The following LOC400499 variants were observed in gnomAD, a reference collection of about 807,000 sequenced individuals.
chr16:11,395,720 C>CT, the LOC400499 span, among the ~76,000 whole-genome samples: 1 of 152,224 alleles, frequency 6.6e-6, no homozygotes, highest in East Asian at 1.9e-4. Flanking sequence ...GAGGGGAAGA[C>CT]TGAGGCTCAG....
At chr16:11,487,912 G>A in the LOC400499 span, among the ~76,000 whole-genome samples, 13 of 152,106 alleles carry the variant, frequency 8.5e-5, no homozygotes, top group African/African-American at 2.4e-4. Flanking sequence ...CCAGGGGTTC[G>A]AGAGGAGCCT....
the LOC400499 span, among the ~76,000 whole-genome samples, chr16:11,382,079 G>A: frequency 6.6e-6 from 1 of 152,086 alleles, no homozygotes; most frequent in East Asian, 1.9e-4. Context: ...TGGGATTACA[G>A]GAGCCCGCCA....
chr16:11,424,946 T>C, the LOC400499 span, among the ~76,000 whole-genome samples: 6 of 152,136 alleles, frequency 3.9e-5, no homozygotes, highest in Admixed American at 6.5e-5. Context: ...TGAAGCTGCA[T>C]GTTCTGGCTG....
At chr16:11,500,577 G>T in the LOC400499 span, among the ~76,000 whole-genome samples, 18 of 150,636 alleles carry the variant, frequency 1.2e-4, no homozygotes, top group African/African-American at 4.4e-4. Context: ...ACTTGCCTGG[G>T]ATCACACAGG....
the LOC400499 span, chr16:11,372,414 C>T: frequency 1.3e-5 from 2 of 152,272 alleles, no homozygotes; most frequent in Admixed American, 6.5e-5. Context: ...TGGGCATGAA[C>T]AGGGGCCAGG....
the LOC400499 span, among the ~76,000 whole-genome samples, chr16:11,481,595 T>C: frequency 4.4e-4 from 67 of 152,246 alleles, no homozygotes; most frequent in African/African-American, 1.6e-3. Context: ...AGTGCTGGGA[T>C]TGCAGGCATA....
chr16:11,412,930 C>G, the LOC400499 span: 1 of 399,042 alleles, frequency 2.5e-6, no homozygotes, highest in African/African-American at 2.1e-5. Flanking sequence ...TCTCTTCTGC[C>G]TCCCAGAGTC....
chr16:11,425,004 G>C, the LOC400499 span: 3 of 397,810 alleles, frequency 7.5e-6, no homozygotes, highest in Non-Finnish European at 1.3e-5. Context: ...GAAGCCAGCA[G>C]GGGAAAGAAA....
chr16:11,421,448 C>G, the LOC400499 span, among the ~76,000 whole-genome samples: 1 of 151,928 alleles, frequency 6.6e-6, no homozygotes, highest in Admixed American at 6.6e-5. Flanking sequence ...GCCACCCAGT[C>G]CGGAGTGCAG....
At chr16:11,414,081 A>T in the LOC400499 span, among the ~76,000 whole-genome samples, 1 of 152,220 alleles carries the variant, frequency 6.6e-6, no homozygotes, top group Non-Finnish European at 1.5e-5. Flanking sequence ...CCAAGATTGC[A>T]GGGCAGAAGG....
the LOC400499 span, among the ~76,000 whole-genome samples, chr16:11,461,593 T>C: frequency 1.3e-5 from 2 of 152,196 alleles, no homozygotes; most frequent in Non-Finnish European, 2.9e-5. Flanking sequence ...TCATGGGTTG[T>C]TGGGTAAATT....
chr16:11,526,779 T>C, the LOC400499 span, among the ~76,000 whole-genome samples: 1 of 152,176 alleles, frequency 6.6e-6, no homozygotes, highest in African/African-American at 2.4e-5. Context: ...TGGCATGATC[T>C]CGGCTCACTG....
chr16:11,442,788 G>A, the LOC400499 span, among the ~76,000 whole-genome samples: 39 of 152,232 alleles, frequency 2.6e-4, no homozygotes, highest in African/African-American at 9.2e-4. Context: ...CCATGGCGCC[G>A]GCTCTGCAAT....
At chr16:11,514,143 A>G in the LOC400499 span, among the ~76,000 whole-genome samples, 1 of 152,168 alleles carries the variant, frequency 6.6e-6, no homozygotes, top group South Asian at 2.1e-4. Flanking sequence ...GGGAAAAGGG[A>G]CTCAACCAAG....
the LOC400499 span, chr16:11,478,833 A>T: frequency 1.8e-5 from 7 of 396,758 alleles, no homozygotes; most frequent in East Asian, 1.1e-4. Context: ...TGACTGAATC[A>T]TGGGGGCGGG....
the LOC400499 span, among the ~76,000 whole-genome samples, chr16:11,454,547 G>A: frequency 2.0e-5 from 3 of 152,234 alleles, no homozygotes; most frequent in African/African-American, 4.8e-5. Context: ...GGATGCGGCT[G>A]TAAGCCAAGG....
the LOC400499 span, chr16:11,411,113 G>A: frequency 7.6e-6 from 3 of 396,812 alleles, no homozygotes; most frequent in Admixed American, 8.8e-5. Context: ...TCCGAGGGTT[G>A]CCCACCGGAG....
At chr16:11,392,400 C>A in the LOC400499 span, 1 of 399,014 alleles carries the variant, frequency 2.5e-6, no homozygotes. Context: ...GTCAGGCGTC[C>A]CAGCGGCTGG....
chr16:11,381,010 T>C, the LOC400499 span: 1 of 154,340 alleles, frequency 6.5e-6, no homozygotes. Context: ...AGTTGTCCTA[T>C]ATTCTCACCA....
Sources: gnomAD v4.1 joint callset for allele counts (sites outside exome capture counted in the v4.1 genomes callset) on GRCh38, gnomAD v4.1.1 for gene constraint, MANE v1.5 for transcripts.